The following KLHL1 variants were observed in gnomAD, a reference collection of about 807,000 sequenced individuals.
KLHL1 encodes the protein kelch like family member 1, also known as kelch-like protein 1.
KLHL1 carries 47 observed loss-of-function variants against 77.7 expected under a neutral mutation model. The ratio of observed to expected loss-of-function variants is 0.60; its 90% CI spans 0.48 to 0.77. KLHL1 has a LOEUF of 0.77. Among genes scored for constraint, KLHL1 ranks in the 30% least tolerant of loss-of-function variants. The pLI is 0.00. For synonymous variants in KLHL1, 360 were observed against 325.2 expected, an observed-to-expected ratio of 1.11 and a Z score of -1.15; for missense variants, 925 against 910.8, an observed-to-expected ratio of 1.02 and a Z score of -0.20.
At chr13:70,044,849 A>C (rs1394175484) in intron 1 of KLHL1, among the ~76,000 whole-genome samples, 1 of 152,188 alleles carries the variant, frequency 6.6e-6, no homozygotes. Context: ...CTTATCTGTC[A>C]GTTTTTCAAT....
chr13:69,967,277 C>T (rs1433428887), intron 2 of KLHL1, among the ~76,000 whole-genome samples: 9 of 152,086 alleles, frequency 5.9e-5, no homozygotes, highest in Non-Finnish European at 1.3e-4. Context: ...CCATTAAGTA[C>T]ATTCATAAGT....
chr13:69,715,760 T>A (rs1345909217), intron 9 of KLHL1, among the ~76,000 whole-genome samples: 1 of 152,066 alleles, frequency 6.6e-6, no homozygotes, highest in Non-Finnish European at 1.5e-5. Flanking sequence ...TCTTTGACTC[T>A]GCACTCATGC....
intron 1 of KLHL1, among the ~76,000 whole-genome samples, chr13:70,029,688 G>A (rs1056932053): frequency 5.3e-5 from 8 of 152,130 alleles, no homozygotes; most frequent in Non-Finnish European, 7.3e-5. Context: ...GGAAGAAATG[G>A]CATCAACTAA....
chr13:69,951,694 C>T (rs1883716646), intron 3 of KLHL1, among the ~76,000 whole-genome samples: 1 of 151,372 alleles, frequency 6.6e-6, no homozygotes, highest in African/African-American at 2.4e-5. Flanking sequence ...TTTTATGATG[C>T]TCTATCTTGG....
intron 10 of KLHL1, among the ~76,000 whole-genome samples, chr13:69,703,512 A>G (rs1444574702): frequency 6.6e-6 from 1 of 151,570 alleles, no homozygotes; most frequent in Non-Finnish European, 1.5e-5. Context: ...ATATTTTAAA[A>G]TAAGTTTAGT....
intron 4 of KLHL1, among the ~76,000 whole-genome samples, chr13:69,886,376 C>A (rs915950777): frequency 1.6e-4 from 4 of 24,556 alleles, no homozygotes; most frequent in African/African-American, 2.5e-4. Context: ...AGTTTTGCAC[C>A]AGTTTTTTTT....
At chr13:69,927,974 A>G (rs2138276383) in intron 4 of KLHL1, among the ~76,000 whole-genome samples, 1 of 152,346 alleles carries the variant, frequency 6.6e-6, no homozygotes, top group East Asian at 1.9e-4. Flanking sequence ...AGGATTAACA[A>G]GAATGCTGGA....
chr13:69,715,147 C>G, intron 9 of KLHL1, among the ~76,000 whole-genome samples: 1 of 152,170 alleles, frequency 6.6e-6, no homozygotes, highest in Non-Finnish European at 1.5e-5. Context: ...ATTGCTGCAT[C>G]TACTTAGAAA....
intron 7 of KLHL1, among the ~76,000 whole-genome samples, chr13:69,772,859 C>A (rs1249044291): frequency 6.6e-6 from 1 of 152,050 alleles, no homozygotes; most frequent in Non-Finnish European, 1.5e-5. Flanking sequence ...TATGAGATAA[C>A]CTTCATTTGA....
rs554979645 is a variant in KLHL1 at position 69,891,263 on chromosome 13, T to TG, written c.1015-8769dup. On this transcript the variant is annotated intron_variant, in intron 4 of 10. Coordinates refer to ENST00000377844, the MANE Select transcript of KLHL1 (RefSeq NM_020866.3). ...TATTAATTCTATAGCACCCACTAAGTGGTAGCTCCCTAATGCATAGTAACT... is the reference window on the plus strand; with the variant it reads ...TATTAATTCTATAGCACCCACTAAGTGGGTAGCTCCCTAATGCATAGTAACT... Among the ~76,000 whole-genome samples, 98 of 152,174 alleles carry TG rather than the reference T, an allele frequency of 6.4e-4. No individual in the cohort carries two copies. In the Middle Eastern group the frequency reaches 0.014, roughly 21 times the overall value.
chr13:69,855,950 A>G (rs1186154542), intron 5 of KLHL1, among the ~76,000 whole-genome samples: 2 of 147,318 alleles, frequency 1.4e-5, no homozygotes, highest in African/African-American at 4.9e-5. Context: ...TATATATTAT[A>G]TATGTTATAA....
chr13:69,931,219 G>A (rs1266727958), intron 4 of KLHL1, among the ~76,000 whole-genome samples: 1 of 151,518 alleles, frequency 6.6e-6, no homozygotes, highest in East Asian at 1.9e-4. Context: ...TTTAAGAAAT[G>A]GTTACTATAA....
At chr13:70,101,690 A>G (rs1566576621) in intron 1 of KLHL1, among the ~76,000 whole-genome samples, 1 of 152,038 alleles carries the variant, frequency 6.6e-6, no homozygotes, top group Admixed American at 6.6e-5. Flanking sequence ...TGGCCTCCCA[A>G]AGTGCTGGGA....
chr13:69,929,338 A>G (rs1448100958), intron 4 of KLHL1, among the ~76,000 whole-genome samples: 1 of 152,000 alleles, frequency 6.6e-6, no homozygotes, highest in East Asian at 1.9e-4. Flanking sequence ...TTGAAATCTC[A>G]AACGCCTTCA....
At chr13:69,760,808 C>G (rs1024241139) in intron 7 of KLHL1, among the ~76,000 whole-genome samples, 2 of 152,106 alleles carry the variant, frequency 1.3e-5, no homozygotes, top group Admixed American at 1.3e-4. Context: ...GGGGAGTCCT[C>G]AATTTTAAAT....
At chr13:70,040,058 T>C (rs1886338678) in intron 1 of KLHL1, among the ~76,000 whole-genome samples, 1 of 152,194 alleles carries the variant, frequency 6.6e-6, no homozygotes, top group Non-Finnish European at 1.5e-5. Context: ...CCAGTTGTAA[T>C]GAAATGTCAA....
chr13:69,776,114 C>A (rs1213849544), intron 7 of KLHL1, among the ~76,000 whole-genome samples: 1 of 151,668 alleles, frequency 6.6e-6, no homozygotes, highest in Non-Finnish European at 1.5e-5. Flanking sequence ...TGAGATCGCA[C>A]CACTGCACTC....
chr13:69,888,098 G>A (rs1457042252), intron 4 of KLHL1, among the ~76,000 whole-genome samples: 1 of 152,086 alleles, frequency 6.6e-6, no homozygotes, highest in Admixed American at 6.6e-5. Flanking sequence ...GTTGTTTGGC[G>A]AGGGCTCCTT....
At chr13:69,922,004 C>T (rs1882657294) in intron 4 of KLHL1, among the ~76,000 whole-genome samples, 1 of 149,676 alleles carries the variant, frequency 6.7e-6, no homozygotes, top group Admixed American at 6.7e-5. Context: ...TCATACCTCA[C>T]TGTAGCCTTG....
Sources: allele counts gnomAD v4.1 joint callset (sites outside exome capture counted in the v4.1 genomes callset), GRCh38; gene constraint gnomAD v4.1.1; transcripts MANE v1.5; gene names NCBI Gene and HGNC (gene_info 2026-07-23, HGNC 2026-07-21).